The following USP24 variants were observed in gnomAD, a reference collection of about 807,000 sequenced individuals.
USP24 encodes ubiquitin carboxyl-terminal hydrolase 24.
Under a neutral mutation model 361.6 loss-of-function variants are expected in USP24, and 97 were observed. That is an observed-to-expected ratio of 0.27 (90% confidence interval 0.23 to 0.32). USP24 has a LOEUF of 0.32. USP24 is among the 10% of genes least tolerant of loss of function. The probability of loss-of-function intolerance (pLI) is 1.00; values close to 1 mark genes in which losing one functional copy is unlikely to be tolerated. For missense variants in USP24, 2,353 were observed against 3,165.6 expected, an observed-to-expected ratio of 0.74 and a Z score of 6.16; for synonymous variants, 1,098 against 1,124.6, an observed-to-expected ratio of 0.98 and a Z score of 0.47.
At chr1:55,142,679 TA>T in intron 23 of USP24, 62 bp downstream of exon 23, 1 of 1,133,980 alleles carries the variant, frequency 8.8e-7, no homozygotes, top group Middle Eastern at 2.6e-4. Context: ...TCTAAAAATA[TA>T]AAATTATGAA....
At chr1:55,186,857 G>A (rs1460147035) in intron 1 of USP24, among the ~76,000 whole-genome samples, 1 of 152,044 alleles carries the variant, frequency 6.6e-6, no homozygotes, top group Non-Finnish European at 1.5e-5. Context: ...GATGGATGCA[G>A]AACAATTAAA....
Position 55,098,509 on chromosome 1 carries a change from G to A in USP24, c.5420C>T (p.Ser1807Phe). 1 of 1,613,086 alleles carries A rather than the reference G, an allele frequency of 6.2e-7. No homozygotes were observed. Among genetic ancestry groups the A allele is most frequent in the Non-Finnish European group, 8.5e-7 (1 of 1,179,454 alleles). ...IFKNTFQGIY[S>F]DQKICKDCPH... The stretch of plus-strand genomic sequence containing the variant: ...ACAGTCTTTACAGATCTTCTGATCA[G>A]AGTAGATGCCCTGAAATGTATTCTT... Residue 1807 changes from serine to phenylalanine, a missense_variant, in exon 46 of 68, where the codon TCT becomes TTT. Around this residue, in one of 8 missense-constraint regions of USP24, gnomAD observed 105 missense variants for 200.3 expected, o/e 0.52. Coordinates refer to ENST00000294383, the MANE Select transcript of USP24 (RefSeq NM_015306.3).
intron 23 of USP24, among the ~76,000 whole-genome samples, chr1:55,142,499 A>G (rs961915473): frequency 6.6e-6 from 1 of 152,176 alleles, no homozygotes; most frequent in African/African-American, 2.4e-5. Context: ...CCTATACTCC[A>G]AAAGGGGAGG....
intron 40 of USP24, among the ~76,000 whole-genome samples, chr1:55,106,688 T>C (rs1645782960): frequency 6.6e-6 from 1 of 152,230 alleles, no homozygotes; most frequent in Non-Finnish European, 1.5e-5. Flanking sequence ...TGGTTAAGAA[T>C]CACTCTTTTC....
At position 55,174,357 on chromosome 1, in the gene USP24, C is replaced by G. The variant is rs77628813; in HGVS notation, c.559-1837G>C. Among the ~76,000 whole-genome samples the G allele has an allele frequency of 1.4e-3, 216 of 152,296 alleles. 4 individuals are homozygous for G. In the East Asian group the frequency reaches 0.039, roughly 28 times the overall value. On this transcript the variant is annotated intron_variant, in intron 3 of 67. Transcript: ENST00000294383. ...GACAAGCCTAAAGGCACACAGAACT[C>G]TAGCTCTTCTGATTTAATAAAAGAA...
rs751760014 is a variant in USP24 at position 55,129,563 on chromosome 1, G to A, written c.3549C>T (p.Ser1183=). The A allele has an allele frequency of 2.5e-6, 4 of 1,613,732 alleles. No homozygotes were observed. Among genetic ancestry groups the A allele is most frequent in the Non-Finnish European group, 3.4e-6 (4 of 1,179,748 alleles). Residue 1183 remains serine, a synonymous_variant, in exon 32 of 68, where the codon TCC becomes TCT. Coordinates refer to ENST00000294383, the MANE Select transcript of USP24 (RefSeq NM_015306.3). ...CATCATCAGCTGTTGGCATGAGTTT[G>A]GAGCTTAGAACCTAGGGAACAGATA... ...RVLYNLEVLS[S]KLMPTADDDM...
chr1:55,092,786 C>T (rs771156163), intron 53 of USP24, 35 bp downstream of exon 53: 10 of 1,417,382 alleles, frequency 7.1e-6, no homozygotes, highest in South Asian at 3.8e-5. Flanking sequence ...AATTGTAACC[C>T]TTTCTTATTT....
intron 38 of USP24, among the ~76,000 whole-genome samples, chr1:55,115,778 C>T (rs1300550348): frequency 1.3e-5 from 2 of 152,090 alleles, no homozygotes; most frequent in Non-Finnish European, 2.9e-5. Context: ...AAATGCCCAT[C>T]AATGATAGAC....
Position 55,123,588 on chromosome 1 carries a change from A to G in USP24, c.4135T>C (p.Ser1379Pro). Reference sequence around the variant, plus strand: ...GCTACTGGTTCTCCTTCACTTCCAGAGCTGCAATTGCTTCCTGAAAACAGG... The same window carrying G: ...GCTACTGGTTCTCCTTCACTTCCAGGGCTGCAATTGCTTCCTGAAAACAGG... The part of the protein sequence containing the change: ...RLSSSGSNCS[S>P]GSEGEPVALH... Residue 1379 changes from serine to proline, a missense_variant, in exon 36 of 68, where the codon TCT becomes CCT. Coordinates refer to ENST00000294383, the MANE Select transcript of USP24 (RefSeq NM_015306.3). The G allele has an allele frequency of 6.3e-7, 1 of 1,594,482 alleles. No homozygotes were observed. The highest frequency in any genetic ancestry group is 8.5e-7 in the Non-Finnish European group (1 of 1,170,104).
At chr1:55,169,273 T>C (rs1649210311) in intron 5 of USP24, among the ~76,000 whole-genome samples, 1 of 152,032 alleles carries the variant, frequency 6.6e-6, no homozygotes, top group African/African-American at 2.4e-5. Context: ...GTTATCACAA[T>C]TGCAACACAA....
chr1:55,178,870 A>G (rs1284179775), intron 1 of USP24, among the ~76,000 whole-genome samples: 2 of 152,130 alleles, frequency 1.3e-5, no homozygotes, highest in Non-Finnish European at 2.9e-5. Flanking sequence ...TCTACAAAAC[A>G]AAACAAAACA....
intron 5 of USP24, among the ~76,000 whole-genome samples, chr1:55,171,111 A>G (rs1649400884): frequency 6.6e-6 from 1 of 152,214 alleles, no homozygotes; most frequent in Admixed American, 6.5e-5. Flanking sequence ...GTCTTTTGAT[A>G]TAAAATATAC....
At chr1:55,098,854 C>A (rs1460827117) in intron 45 of USP24, among the ~76,000 whole-genome samples, 1 of 152,174 alleles carries the variant, frequency 6.6e-6, no homozygotes, top group East Asian at 1.9e-4. Context: ...GGGCAACTCT[C>A]AGCAATCTTT....
chr1:55,073,408 C>T (rs74791140), intron 64 of USP24, among the ~76,000 whole-genome samples: 290 of 152,196 alleles, frequency 1.9e-3, no homozygotes, highest in African/African-American at 6.0e-3. Flanking sequence ...GTTCTTGACA[C>T]GGTGCCTGGG....
At position 55,079,664 on chromosome 1, in the gene USP24, A is replaced by G; in HGVS notation, c.7079-5T>C. 2 of 1,529,304 alleles carry G rather than the reference A, an allele frequency of 1.3e-6. No individual in the cohort carries two copies. The highest frequency in any genetic ancestry group is 1.7e-4 in the Middle Eastern group (1 of 5,780). The allele number at this position is 1,529,304 out of a possible 1,614,324, so 94.7% of individuals were successfully genotyped here. Reference sequence around the variant, plus strand: ...GTTGCTTAAATATGCCAGGAGCTTTAGGAGACCAAAGAAACAAAACAGAAC... The same window carrying G: ...GTTGCTTAAATATGCCAGGAGCTTTGGGAGACCAAAGAAACAAAACAGAAC... On this transcript the variant is annotated splice_region_variant and splice_polypyrimidine_tract_variant and intron_variant, in intron 59 of 67. Coordinates refer to ENST00000294383, the MANE Select transcript of USP24 (RefSeq NM_015306.3).
At chr1:55,129,365 C>G (rs1436711508) in intron 32 of USP24, 112 bp downstream of exon 32, 4 of 705,562 alleles carry the variant, frequency 5.7e-6, no homozygotes, top group Admixed American at 2.8e-5. Flanking sequence ...ATAACTCTCA[C>G]AATGAGTCAT....
At chr1:55,144,021 C>T (rs1362905896) in intron 21 of USP24, 106 bp downstream of exon 21, 2 of 913,628 alleles carry the variant, frequency 2.2e-6, no homozygotes, top group East Asian at 5.9e-5. Flanking sequence ...CTGTTCTTTA[C>T]CAAAAAAATC....
chr1:55,187,668 C>T (rs1175804293), intron 1 of USP24, among the ~76,000 whole-genome samples: 1 of 151,760 alleles, frequency 6.6e-6, no homozygotes, highest in Non-Finnish European at 1.5e-5. Flanking sequence ...ATGGGTAATC[C>T]TAAAATAAAG....
chr1:55,159,719 C>A, intron 8 of USP24, 34 bp from the exon 9 acceptor site: 4 of 1,520,692 alleles, frequency 2.6e-6, no homozygotes, highest in Non-Finnish European at 3.6e-6. Flanking sequence ...TAAGAACTCC[C>A]GAAGCTGTCC....
Sources: allele counts gnomAD v4.1 joint callset (sites outside exome capture counted in the v4.1 genomes callset), GRCh38; gene constraint gnomAD v4.1.1; regional missense constraint gnomAD v4.1.1; transcripts MANE v1.5; gene names NCBI Gene and HGNC (gene_info 2026-07-23, HGNC 2026-07-21).